CATSPERT: variants seen among roughly 807,000 people sequenced by gnomAD.
CATSPERT encodes cation channel sperm-associated targeting subunit tau.
the CATSPERT span, among the ~76,000 whole-genome samples, chr2:201,581,838 C>A: frequency 6.6e-6 from 1 of 151,452 alleles, no homozygotes; most frequent in Non-Finnish European, 1.5e-5. Context: ...GAACTCCCGA[C>A]CTCAGTTGAT....
At chr2:201,615,636 A>T in the CATSPERT span, among the ~76,000 whole-genome samples, 1 of 152,210 alleles carries the variant, frequency 6.6e-6, no homozygotes, top group African/African-American at 2.4e-5. Context: ...CTAACATCAT[A>T]ATTAAAAGAA....
the CATSPERT span, among the ~76,000 whole-genome samples, chr2:201,591,359 C>T: frequency 6.6e-6 from 1 of 152,182 alleles, no homozygotes; most frequent in Non-Finnish European, 1.5e-5. Context: ...TCTTTTGGTA[C>T]CAGTACCATG....
the CATSPERT span, among the ~76,000 whole-genome samples, chr2:201,613,715 G>A: frequency 6.6e-6 from 1 of 152,208 alleles, no homozygotes; most frequent in African/African-American, 2.4e-5. Flanking sequence ...AATTTGACGA[G>A]TTGAGAGAAG....
chr2:201,583,736 C>T, the CATSPERT span, among the ~76,000 whole-genome samples: 2 of 151,966 alleles, frequency 1.3e-5, no homozygotes, highest in African/African-American at 4.8e-5. Context: ...GAGCAGTTAA[C>T]AGTCAAAAAT....
At chr2:201,494,303 T>C in the CATSPERT span, 1 of 1,537,196 alleles carries the variant, frequency 6.5e-7, no homozygotes, top group South Asian at 1.2e-5. Flanking sequence ...AGATTTTCAC[T>C]TAAAATTGAC....
chr2:201,536,331 C>G, the CATSPERT span: 1 of 1,573,854 alleles, frequency 6.4e-7, no homozygotes, highest in South Asian at 1.2e-5. Context: ...CTAGAAAATA[C>G]AGCAATAAAA....
the CATSPERT span, among the ~76,000 whole-genome samples, chr2:201,510,944 C>T: frequency 6.6e-6 from 1 of 151,978 alleles, no homozygotes; most frequent in Non-Finnish European, 1.5e-5. Flanking sequence ...TATTGTTATC[C>T]AAAACATATA....
chr2:201,575,387 C>A, the CATSPERT span: 1 of 1,394,020 alleles, frequency 7.2e-7, no homozygotes, highest in South Asian at 1.5e-5. Flanking sequence ...TGTATATTAT[C>A]GAAACCAAGG....
the CATSPERT span, among the ~76,000 whole-genome samples, chr2:201,614,901 G>A: frequency 4.1e-4 from 62 of 152,128 alleles, 1 homozygote; most frequent in Admixed American, 4.0e-3. Flanking sequence ...AAAAGCAGGG[G>A]TTGCAATGCT....
the CATSPERT span, among the ~76,000 whole-genome samples, chr2:201,527,881 T>C: frequency 4.6e-5 from 7 of 151,818 alleles, no homozygotes; most frequent in East Asian, 1.4e-3. Flanking sequence ...CCAAAAACAA[T>C]TGCAACAAAA....
the CATSPERT span, among the ~76,000 whole-genome samples, chr2:201,542,528 A>G: frequency 6.6e-6 from 1 of 152,136 alleles, no homozygotes; most frequent in Non-Finnish European, 1.5e-5. Context: ...CCTTGCCAAC[A>G]CTTGTTGACT....
chr2:201,584,238 C>T, the CATSPERT span, among the ~76,000 whole-genome samples: 5 of 152,150 alleles, frequency 3.3e-5, no homozygotes, highest in East Asian at 3.9e-4. Context: ...TGCAGTGAGC[C>T]GTGATCGCGC....
At chr2:201,562,311 C>A in the CATSPERT span, among the ~76,000 whole-genome samples, 40 of 151,510 alleles carry the variant, frequency 2.6e-4, no homozygotes, top group Non-Finnish European at 4.7e-4. Context: ...CCTCAGCCTC[C>A]CGAGTAGGTG....
the CATSPERT span, among the ~76,000 whole-genome samples, chr2:201,544,605 T>C: frequency 3.3e-5 from 5 of 151,978 alleles, no homozygotes; most frequent in African/African-American, 1.2e-4. Flanking sequence ...AAGAGACCAA[T>C]AGCTCTATAG....
At chr2:201,590,091 C>A in the CATSPERT span, among the ~76,000 whole-genome samples, 1 of 151,988 alleles carries the variant, frequency 6.6e-6, no homozygotes, top group African/African-American at 2.4e-5. Flanking sequence ...CCCAATAACT[C>A]ATCCTCTAGC....
chr2:201,585,461 T>G, the CATSPERT span, among the ~76,000 whole-genome samples: 3 of 149,836 alleles, frequency 2.0e-5, no homozygotes, highest in South Asian at 6.3e-4. Context: ...CAACTAACTC[T>G]CATAGGAAAA....
the CATSPERT span, chr2:201,545,646 A>AG: frequency 1.2e-6 from 1 of 835,984 alleles, no homozygotes; most frequent in Non-Finnish European, 1.7e-6. Context: ...AAAAAAAAAA[A>AG]AAAAAAAGAA....
At chr2:201,575,014 TTTTC>T in the CATSPERT span, among the ~76,000 whole-genome samples, 1 of 148,238 alleles carries the variant, frequency 6.7e-6, no homozygotes, top group Non-Finnish European at 1.5e-5. Context: ...TGATTTCTAA[TTTTC>T]TTTATCACCA....
At chr2:201,534,130 C>T in the CATSPERT span, among the ~76,000 whole-genome samples, 1 of 151,864 alleles carries the variant, frequency 6.6e-6, no homozygotes, top group African/African-American at 2.4e-5. Context: ...AAGAAGGAAA[C>T]AGACACATTA....
Sources: allele counts gnomAD v4.1 joint callset (sites outside exome capture counted in the v4.1 genomes callset), GRCh38; gene constraint gnomAD v4.1.1; transcripts MANE v1.5; gene names NCBI Gene and HGNC (gene_info 2026-07-23, HGNC 2026-07-21).